Variants in DDX19B observed in about 807,000 individuals in gnomAD.
DDX19B encodes the protein ATP-dependent RNA helicase DDX19B.
A neutral mutation model predicts 58.1 loss-of-function variants in DDX19B; 27 were observed. The ratio of observed to expected loss-of-function variants is 0.46; its 90% CI spans 0.34 to 0.64. The LOEUF is 0.64. Among genes scored for constraint, DDX19B ranks in the 30% least tolerant of loss-of-function variants. The pLI, the probability that DDX19B is intolerant of heterozygous loss-of-function variation, is 0.01. For synonymous variants in DDX19B, 187 were observed against 214.4 expected (o/e 0.87, Z 1.12); for missense variants, 399 against 596.5 (o/e 0.67, Z 3.45).
chr16:70,317,288 C>T lies in DDX19B; in HGVS notation c.297-208C>T, dbSNP rs966658968. Reference sequence around the variant, plus strand: ...CCCAGCTATTCGCGAGGCTGAGGCACGAGAATTGCTTGAACCCGGAAGGTG... The same window carrying T: ...CCCAGCTATTCGCGAGGCTGAGGCATGAGAATTGCTTGAACCCGGAAGGTG... On this transcript the variant is annotated intron_variant, in intron 4 of 11. Coordinates refer to ENST00000288071, the MANE Select transcript of DDX19B (RefSeq NM_007242.7). The T allele has an allele frequency of 1.5e-5, 5 of 339,478 alleles. No homozygotes were observed. In the South Asian group the frequency reaches 2.4e-4, roughly 16 times the overall value. 21.0% of individuals were successfully genotyped at this position (339,478 alleles called of 1,614,324 possible).
upstream of DDX19B, among the ~76,000 whole-genome samples, chr16:70,298,745 G>A (rs1961325484): frequency 6.6e-6 from 1 of 152,096 alleles, no homozygotes; most frequent in Admixed American, 6.6e-5. Context: ...ATGAGTGCAG[G>A]TGCAGTTTTG....
upstream of DDX19B, among the ~76,000 whole-genome samples, chr16:70,294,324 A>G (rs998365636): frequency 7.9e-5 from 12 of 151,410 alleles, no homozygotes; most frequent in Admixed American, 7.9e-4. Flanking sequence ...CTCGTGATCC[A>G]CCCGCCTCGG....
intron 5 of DDX19B, among the ~76,000 whole-genome samples, chr16:70,318,976 C>T (rs1274772725): frequency 4.0e-5 from 6 of 151,362 alleles, no homozygotes; most frequent in South Asian, 4.2e-4. Flanking sequence ...TGGTGGTGGG[C>T]GCCTGTGGTC....
chr16:70,329,600 G>A, intron 8 of DDX19B, 131 bp downstream of exon 8: 1 of 1,413,116 alleles, frequency 7.1e-7, no homozygotes, highest in Non-Finnish European at 9.7e-7. Flanking sequence ...TGTTTGACGG[G>A]CCACTTCCGT....
chr16:70,316,484 A>C (rs1962418857), intron 4 of DDX19B, among the ~76,000 whole-genome samples: 1 of 152,146 alleles, frequency 6.6e-6, no homozygotes, highest in Non-Finnish European at 1.5e-5. Context: ...CTGAGATTAC[A>C]GGCATGAGCC....
chr16:70,294,661 A>G (rs1320589895), upstream of DDX19B: 2 of 451,614 alleles, frequency 4.4e-6, no homozygotes, highest in Admixed American at 4.0e-5. Flanking sequence ...GCAGGAAACA[A>G]AGCCCTCTGC....
chr16:70,320,112 C>CT (rs1202238794), intron 5 of DDX19B, among the ~76,000 whole-genome samples: 23 of 147,286 alleles, frequency 1.6e-4, no homozygotes, highest in East Asian at 2.0e-4. Flanking sequence ...TAGATGCTAA[C>CT]TTTTTTTTTT....
intron 1 of DDX19B, among the ~76,000 whole-genome samples, chr16:70,312,062 G>A (rs943555064): frequency 7.9e-5 from 12 of 151,962 alleles, no homozygotes; most frequent in Non-Finnish European, 1.5e-4. Flanking sequence ...GGATGGTCTC[G>A]ATCTCTTGAC....
chr16:70,321,585 C>T (rs1962817482), intron 5 of DDX19B, among the ~76,000 whole-genome samples: 1 of 152,140 alleles, frequency 6.6e-6, no homozygotes, highest in Non-Finnish European at 1.5e-5. Flanking sequence ...AAAATTCCTG[C>T]CCACAAGGAG....
rs560910404 is a variant in DDX19B, at chr16:70,333,435, G to C, written c.1379-86G>C. On this transcript the variant is annotated intron_variant, in intron 11 of 11. Transcript: ENST00000288071. ...GCTGCCCCCTGCTTAGGCACCCGGA[G>C]CCTTTGGGGCTGAATGAATGATTGC... The C allele has an allele frequency of 5.6e-6, 9 of 1,606,040 alleles. No individual in the cohort carries two copies. The East Asian group carries it at 2.0e-4, about 36-fold the overall frequency.
intron 7 of DDX19B, among the ~76,000 whole-genome samples, chr16:70,325,957 G>A (rs1013895984): frequency 6.6e-6 from 1 of 152,090 alleles, no homozygotes; most frequent in African/African-American, 2.4e-5. Flanking sequence ...AAAATTAACA[G>A]ATTTCCTAGA....
chr16:70,324,808 T>G (rs1202514005), intron 6 of DDX19B, 121 bp downstream of exon 6: 2 of 916,304 alleles, frequency 2.2e-6, no homozygotes, highest in Non-Finnish European at 3.2e-6. Context: ...TCCCAGCACT[T>G]TGGGAGGCCG....
chr16:70,318,184 C>A (rs559586734), intron 5 of DDX19B, among the ~76,000 whole-genome samples: 1 of 151,346 alleles, frequency 6.6e-6, no homozygotes, highest in South Asian at 2.1e-4. Context: ...ACCAGCCTGG[C>A]CAACATGATG....
intron 5 of DDX19B, among the ~76,000 whole-genome samples, chr16:70,323,202 G>A (rs1962945734): frequency 6.6e-6 from 1 of 151,902 alleles, no homozygotes; most frequent in Admixed American, 6.6e-5. Flanking sequence ...CACCTCCTGG[G>A]CTCAAGAGAT....
intron 1 of DDX19B, among the ~76,000 whole-genome samples, chr16:70,310,740 G>A (rs1962038949): frequency 6.6e-6 from 1 of 151,774 alleles, no homozygotes; most frequent in Non-Finnish European, 1.5e-5. Context: ...CTTTAAAAAA[G>A]TCTTTTTTGG....
chr16:70,312,517 A>T, intron 1 of DDX19B, 92 bp from the exon 2 acceptor site: 1 of 1,121,814 alleles, frequency 8.9e-7, no homozygotes, highest in South Asian at 1.3e-5. Flanking sequence ...TGGCTATTTT[A>T]TCCCCAGCTT....
At chr16:70,332,250 C>T (rs1963523098) in intron 10 of DDX19B, among the ~76,000 whole-genome samples, 1 of 152,166 alleles carries the variant, frequency 6.6e-6, no homozygotes, top group Admixed American at 6.5e-5. Flanking sequence ...TGCTGTATGC[C>T]TGTATGTGCC....
intron 5 of DDX19B, among the ~76,000 whole-genome samples, chr16:70,323,966 C>T (rs1962996865): frequency 6.6e-6 from 1 of 151,962 alleles, no homozygotes; most frequent in South Asian, 2.1e-4. Context: ...AGAGCACAGC[C>T]AAGGCAGAAG....
chr16:70,326,356 A>G (rs2152210424), intron 7 of DDX19B, among the ~76,000 whole-genome samples: 1 of 152,200 alleles, frequency 6.6e-6, no homozygotes, highest in African/African-American at 2.4e-5. Context: ...GGGCACCTGT[A>G]GTCCCAGCTA....
Sources: gnomAD v4.1 joint callset for allele counts (sites outside exome capture counted in the v4.1 genomes callset) on GRCh38, gnomAD v4.1.1 for gene constraint, MANE v1.5 for transcripts, NCBI Gene and HGNC (gene_info 2026-07-23, HGNC 2026-07-21) for gene names.